HNF4G: variants seen among roughly 807,000 people sequenced by gnomAD.
The protein encoded by HNF4G is hepatocyte nuclear factor 4 gamma.
Under a neutral mutation model 50.9 loss-of-function variants are expected in HNF4G, and 21 were observed. The ratio of observed to expected loss-of-function variants is 0.41; its 90% CI spans 0.29 to 0.59. The LOEUF (loss-of-function observed/expected upper bound fraction) is 0.59. Ranked by LOEUF, HNF4G falls within the 20% of genes least tolerant of loss-of-function variation. The probability of loss-of-function intolerance (pLI) is 0.26; values close to 1 mark genes in which losing one functional copy is unlikely to be tolerated. For synonymous variants in HNF4G, 198 were observed against 185.6 expected (o/e 1.07, Z -0.54); for missense variants, 527 against 559.4 (o/e 0.94, Z 0.58).
intron 1 of HNF4G, among the ~76,000 whole-genome samples, chr8:75,425,116 C>T (rs1285626813): frequency 1.5e-5 from 2 of 137,452 alleles, no homozygotes; most frequent in Non-Finnish European, 3.2e-5. Context: ...GACGGAGTCT[C>T]GCTCAGCCAC....
intron 2 of HNF4G, among the ~76,000 whole-genome samples, chr8:75,523,902 A>G (rs550424740): frequency 1.6e-4 from 24 of 152,068 alleles, no homozygotes; most frequent in African/African-American, 5.5e-4. Context: ...TAGTGTAATA[A>G]TATAAGAAGT....
chr8:75,548,966 G>A (rs1806867545), intron 3 of HNF4G, among the ~76,000 whole-genome samples: 1 of 152,254 alleles, frequency 6.6e-6, no homozygotes, highest in South Asian at 2.1e-4. Flanking sequence ...TAATTTCATA[G>A]GAAGCTCTAT....
intron 5 of HNF4G, 78 bp from the exon 6 acceptor site, chr8:75,555,904 C>G (rs2941468): frequency 0.59 from 455,941 of 772,028 alleles, 139,173 homozygotes; most frequent in African/African-American, 0.9. Context: ...AAAGAACACT[C>G]TAAGTTAACA....
intron 1 of HNF4G, among the ~76,000 whole-genome samples, chr8:75,469,256 A>G (rs1482125998): frequency 6.6e-6 from 1 of 152,154 alleles, no homozygotes; most frequent in Admixed American, 6.5e-5. Flanking sequence ...AAGCGGTTTC[A>G]GGGCAAGCCC....
intron 2 of HNF4G, among the ~76,000 whole-genome samples, chr8:75,505,249 T>C (rs975237100): frequency 6.6e-6 from 1 of 152,150 alleles, no homozygotes; most frequent in African/African-American, 2.4e-5. Context: ...CTTTGACAAG[T>C]CACTTAACTT....
In HNF4G at chr8:75,539,920, A is replaced by T; in HGVS notation, c.-43A>T. Reference sequence around the variant, plus strand: ...AAACACATCAAAACACTCATCACGCACTCTGGGCTTGTGGTGCCACTTGTA... The same window carrying T: ...AAACACATCAAAACACTCATCACGCTCTCTGGGCTTGTGGTGCCACTTGTA... On this transcript the variant is annotated 5_prime_UTR_variant, in exon 1 of 10. Transcript: ENST00000396423. 2.3e-6 allele frequency: 2 copies of T among 876,330 alleles called. No individual in the cohort carries two copies. The highest frequency in any genetic ancestry group is 3.9e-6 in the Non-Finnish European group (2 of 513,856). 54.3% of individuals were successfully genotyped at this position (876,330 alleles called of 1,614,324 possible). A position where few individuals can be genotyped will look rare whatever the true frequency, so the allele number is the denominator to read the frequency against.
intron 1 of HNF4G, among the ~76,000 whole-genome samples, chr8:75,466,528 T>C (rs1356419862): frequency 2.0e-5 from 3 of 148,188 alleles, no homozygotes; most frequent in African/African-American, 7.4e-5. Flanking sequence ...CTCCTTTCCT[T>C]CCTTCCTTCT....
At chr8:75,552,235 TAAC>T (rs1176713184) in intron 4 of HNF4G, among the ~76,000 whole-genome samples, 2 of 152,148 alleles carry the variant, frequency 1.3e-5, no homozygotes, top group Admixed American at 1.3e-4. Context: ...ATGATGAGGT[TAAC>T]ATCACCGTTA....
chr8:75,452,284 A>G (rs1211673551), intron 1 of HNF4G, among the ~76,000 whole-genome samples: 1 of 152,186 alleles, frequency 6.6e-6, no homozygotes, highest in Non-Finnish European at 1.5e-5. Context: ...AGTAATATTT[A>G]TAATAAACGA....
chr8:75,537,840 A>T (rs1424075358), upstream of HNF4G, among the ~76,000 whole-genome samples: 1 of 151,322 alleles, frequency 6.6e-6, no homozygotes. Context: ...AGTAGCATCC[A>T]TATCCCCCTA....
chr8:75,509,932 T>G (rs1457098323), intron 2 of HNF4G, among the ~76,000 whole-genome samples: 1 of 152,218 alleles, frequency 6.6e-6, no homozygotes, highest in African/African-American at 2.4e-5. Context: ...ATCCTTATTT[T>G]AGATTGTACT....
chr8:75,549,827 T>C (rs935495000), intron 3 of HNF4G, among the ~76,000 whole-genome samples: 13 of 152,058 alleles, frequency 8.5e-5, no homozygotes, highest in African/African-American at 3.1e-4. Flanking sequence ...TTCTCATTGT[T>C]CAATTCCCAT....
chr8:75,552,444 ATTACAAAT>A lies in HNF4G; in HGVS notation c.490-581_490-574del, dbSNP rs568958084. 2.7e-3 allele frequency among the ~76,000 whole-genome samples: 405 copies of A among 152,280 alleles called. 3 individuals carry two copies. The highest frequency in any genetic ancestry group is 9.1e-3 in the African/African-American group (380 of 41,576). The stretch of plus-strand genomic sequence containing the variant: ...TACTTATATTTTTATATAGTCTAAA[ATTACAAAT>A]TTACAAATTTACAAATCTTACAAAT... On this transcript the variant is annotated intron_variant, in intron 4 of 9. Transcript: ENST00000396423.
chr8:75,515,739 AATG>A lies in HNF4G; in HGVS notation c.-24+25533_-24+25535del, dbSNP rs1805869861. Among the ~76,000 whole-genome samples the A allele has an allele frequency of 3.9e-5, 6 of 151,990 alleles. No homozygotes were observed. The South Asian group carries it at 1.2e-3, about 32-fold the overall frequency. On this transcript the variant is annotated intron_variant, in intron 2 of 10. Transcript: ENST00000354370. ...ATTTGGGGCCCTCAAAGGATTGGAT[AATG>A]ACCACTGACATTCATGGGGGCCACC...
chr8:75,479,511 G>C (rs541771601), intron 1 of HNF4G, among the ~76,000 whole-genome samples: 35 of 151,396 alleles, frequency 2.3e-4, no homozygotes, highest in African/African-American at 8.0e-4. Context: ...AATATTCAGA[G>C]ATAAAACCAG....
chr8:75,429,357 T>C (rs1283233081), intron 1 of HNF4G, among the ~76,000 whole-genome samples: 3 of 152,172 alleles, frequency 2.0e-5, no homozygotes, highest in Non-Finnish European at 4.4e-5. Context: ...CATTTTTCTC[T>C]CTCTTTCTCT....
rs1377969813 is a variant in HNF4G at position 75,509,281 on chromosome 8, A to C, written c.-24+19073A>C. Among the ~76,000 whole-genome samples, 5 of 152,194 alleles carry C rather than the reference A, an allele frequency of 3.3e-5. No individual in the cohort carries two copies. In the East Asian group the frequency reaches 9.6e-4, roughly 29 times the overall value. ...TTGTGAAGAGCTAAGGACTGAGCCA[A>C]CATGACAAAGAAGTAGAAGGTGGAA... is the stretch of plus-strand genomic sequence containing the variant. On this transcript the variant is annotated intron_variant, in intron 2 of 10. Transcript: ENST00000354370.
At chr8:75,531,336 G>A (rs1436957139) in intron 2 of HNF4G, among the ~76,000 whole-genome samples, 3 of 152,046 alleles carry the variant, frequency 2.0e-5, no homozygotes, top group Non-Finnish European at 4.4e-5. Context: ...TGCATTCCTA[G>A]ACATATGGTA....
At chr8:75,469,137 G>A (rs1812057986) in intron 1 of HNF4G, among the ~76,000 whole-genome samples, 1 of 152,302 alleles carries the variant, frequency 6.6e-6, no homozygotes, top group South Asian at 2.1e-4. Context: ...GGAAGGAGCA[G>A]CAGAGATATT....
Sources: allele counts gnomAD v4.1 joint callset (sites outside exome capture counted in the v4.1 genomes callset), GRCh38; gene constraint gnomAD v4.1.1; transcripts MANE v1.5; gene names NCBI Gene and HGNC (gene_info 2026-07-23, HGNC 2026-07-21).